The following REG3G variants were observed in gnomAD, a reference collection of about 807,000 sequenced individuals.
REG3G encodes the protein regenerating islet-derived protein 3-gamma.
REG3G carries 19 observed loss-of-function variants against 20.9 expected under a neutral mutation model. The observed-to-expected ratio is 0.91, with a 90% CI of 0.64 to 1.34. The LOEUF (loss-of-function observed/expected upper bound fraction) is 1.34. Ranked by LOEUF, REG3G falls within the 40% of genes most tolerant of loss-of-function variation. The pLI is 0.00. For synonymous variants in REG3G, 89 were observed against 77.4 expected (o/e 1.15, Z -0.79); for missense variants, 235 against 205.0 (o/e 1.15, Z -0.89).
intron 4 of REG3G, 57 bp from the exon 5 acceptor site, chr2:79,027,750 T>G (rs1199850255): frequency 3.1e-6 from 5 of 1,608,258 alleles, no homozygotes; most frequent in East Asian, 4.5e-5. Context: ...TCAGGGGCCA[T>G]GCAAAGAGAC....
At chr2:79,026,661 C>T (rs1048621990) in intron 2 of REG3G, 52 bp from the exon 3 acceptor site, 1 of 1,440,690 alleles carries the variant, frequency 6.9e-7, no homozygotes, top group Non-Finnish European at 9.6e-7. Context: ...AAGGTCATCT[C>T]CCACCCACCC....
At chr2:79,026,681 C>T in intron 2 of REG3G, 32 bp from the exon 3 acceptor site, 1 of 1,561,392 alleles carries the variant, frequency 6.4e-7, no homozygotes, top group Non-Finnish European at 8.8e-7. Flanking sequence ...CCCTACTCTT[C>T]ATTTTACTCT....
At position 79,027,069 on chromosome 2, in the gene REG3G, G is replaced by A; in HGVS notation, c.231G>A (p.Val77=). The change falls in exon 4 of 6, where the codon GTG becomes GTA. Residue 77 remains valine, a synonymous_variant. Coordinates refer to ENST00000272324, the MANE Select transcript of REG3G (RefSeq NM_001008387.3). ...ACQKRPSGKL[V]SVLSGAEGSF... is the part of the protein sequence containing the mutation. Reference sequence around the variant, plus strand: ...AGAAGCGGCCCTCTGGAAAACTGGTGTCTGTGCTCAGTGGGGCTGAGGGAT... The same window carrying A: ...AGAAGCGGCCCTCTGGAAAACTGGTATCTGTGCTCAGTGGGGCTGAGGGAT... 6.2e-7 allele frequency: 1 copy of A among 1,614,106 alleles called. No individual in the cohort carries two copies. Among genetic ancestry groups the A allele is most frequent in the Non-Finnish European group, 8.5e-7 (1 of 1,179,984 alleles).
Position 79,027,902 on chromosome 2 carries a change from T to A in REG3G, c.429T>A (p.Pro143=). The A allele has an allele frequency of 6.2e-7, 1 of 1,614,084 alleles. No homozygotes were observed. ...WEKNPSTILN[P]GHCGSLSRST... ...AAAATCCCTCCACCATCTTAAACCC[T>A]GGCCACTGTGGGAGCCTGTCAAGAA... Residue 143 remains proline, a synonymous_variant, in exon 5 of 6, where the codon CCT becomes CCA. Transcript: ENST00000272324.
chr2:79,026,759 C>T lies in REG3G; in HGVS notation c.123C>T (p.Pro41=), dbSNP rs762914879. The T allele has an allele frequency of 6.2e-7, 1 of 1,613,946 alleles. No homozygotes were observed. The highest frequency in any genetic ancestry group is 1.3e-5 in the African/African-American group (1 of 74,990). Residue 41 remains proline, a synonymous_variant, in exon 3 of 6, where the codon CCC becomes CCT. Coordinates refer to ENST00000272324, the MANE Select transcript of REG3G (RefSeq NM_001008387.3). ...KELPSPRISC[P]KGSKAYGSPC... Reference sequence around the variant, plus strand: ...TGCCCTCTCCACGGATCAGCTGTCCCAAAGGCTCCAAGGCCTATGGCTCCC... The same window carrying T: ...TGCCCTCTCCACGGATCAGCTGTCCTAAAGGCTCCAAGGCCTATGGCTCCC...
rs771173672 is a variant in REG3G at position 79,028,243 on chromosome 2, A to G, written c.495A>G (p.Ala165=). The G allele has an allele frequency of 2.5e-6, 4 of 1,613,244 alleles. No homozygotes were observed. In the East Asian group the frequency reaches 8.9e-5, roughly 36 times the overall value. Residue 165 remains alanine (A), a synonymous_variant, in exon 6 of 6, where the codon GCA becomes GCG. Transcript: ENST00000272324. ...FLKWKDYNCD[A]KLPYVCKFKD ...AGTGGAAAGATTATAACTGTGATGC[A>G]AAGTTACCCTATGTCTGCAAGTTCA... is the stretch of plus-strand genomic sequence containing the variant.
intron 1 of REG3G, 22 bp downstream of exon 1, chr2:79,025,795 A>C: frequency 3.0e-6 from 1 of 334,254 alleles, no homozygotes; most frequent in Non-Finnish European, 5.6e-6. Context: ...CTGAGAGAAG[A>C]TGAGACCTGT....
Position 79,026,718 on chromosome 2 carries a change from G to A in REG3G, c.82G>A (p.Glu28Lys), listed in dbSNP as rs1472984094. ...LILLCQVQGE[E>K]TQKELPSPRI... ...TCCCTTTTCTTCCACCCCAGGTGAA[G>A]AAACCCAGAAGGAACTGCCCTCTCC... The change falls in exon 3 of 6, where the codon GAA becomes AAA. Residue 28 changes from glutamate (E) to lysine (K), a missense_variant. By Grantham distance (56) the Glu-to-Lys change is moderately conservative. Coordinates refer to ENST00000272324, the MANE Select transcript of REG3G (RefSeq NM_001008387.3). 1.2e-6 allele frequency: 2 copies of A among 1,613,398 alleles called. No homozygotes were observed. The highest frequency in any genetic ancestry group is 3.3e-5 in the Admixed American group (2 of 59,952).
chr2:79,028,260 G>A lies in REG3G; in HGVS notation c.512G>A (p.Cys171Tyr), dbSNP rs1671676812. The A allele has an allele frequency of 1.2e-6, 2 of 1,612,494 alleles. No homozygotes were observed. Among genetic ancestry groups the A allele is most frequent in the Non-Finnish European group, 8.5e-7 (1 of 1,178,650 alleles). Reference sequence around the variant, plus strand: ...TGTGATGCAAAGTTACCCTATGTCTGCAAGTTCAAGGACTAGGGCAGGTGG... The same window carrying A: ...TGTGATGCAAAGTTACCCTATGTCTACAAGTTCAAGGACTAGGGCAGGTGG... ...YNCDAKLPYV[C>Y]KFKD Residue 171 changes from cysteine (C) to tyrosine (Y), a missense_variant, in exon 6 of 6, where the codon TGC becomes TAC. Transcript: ENST00000272324.
Position 79,027,928 on chromosome 2 carries a change from G to A in REG3G, c.455G>A (p.Ser152Asn), listed in dbSNP as rs1167358100. ...NPGHCGSLSR[S>N]TGFLKWKDYN... ...GGCCACTGTGGGAGCCTGTCAAGAA[G>A]CACAGGTAAGAAACAGAAGAGCTGC... The change falls in exon 5 of 6, where the codon AGC (serine) becomes AAC (asparagine). Residue 152 changes from serine (S) to asparagine (N), a missense_variant. Transcript: ENST00000272324. 1.2e-6 allele frequency: 2 copies of A among 1,613,874 alleles called. No individual in the cohort carries two copies. The highest frequency in any genetic ancestry group is 1.7e-6 in the Non-Finnish European group (2 of 1,179,956).
intron 4 of REG3G, 109 bp downstream of exon 4, chr2:79,027,280 C>A: frequency 8.3e-7 from 1 of 1,204,044 alleles, no homozygotes; most frequent in Non-Finnish European, 1.2e-6. Flanking sequence ...AGCACTGGAG[C>A]TCAGATTCTG....
intron 5 of REG3G, 64 bp downstream of exon 5, chr2:79,027,997 T>G: frequency 6.3e-7 from 1 of 1,594,026 alleles, no homozygotes; most frequent in Non-Finnish European, 8.6e-7. Context: ...TTTCCTGACC[T>G]TCAGGAAATC....
chr2:79,026,834 G>A lies in REG3G; in HGVS notation c.195+3G>A, dbSNP rs772588337. 3 of 1,607,836 alleles carry A rather than the reference G, an allele frequency of 1.9e-6. No individual in the cohort carries two copies. The highest frequency in any genetic ancestry group is 2.5e-6 in the Non-Finnish European group (3 of 1,177,960). ...CAAAATCCTGGATGGATGCAGATGT[G>A]AGTGGTTAGATGTGGGGTTGGAGGT... On this transcript the variant is annotated splice_donor_region_variant and intron_variant, in intron 3 of 5. Coordinates refer to ENST00000272324, the MANE Select transcript of REG3G (RefSeq NM_001008387.3).
chr2:79,027,995 C>A (rs774588169), intron 5 of REG3G, 62 bp downstream of exon 5: 3 of 1,597,154 alleles, frequency 1.9e-6, no homozygotes, highest in Non-Finnish European at 8.6e-7. Context: ...AATTTCCTGA[C>A]CTTCAGGAAA....
Position 79,026,730 on chromosome 2 carries a change from G to T in REG3G, c.94G>T (p.Glu32Ter), listed in dbSNP as rs200665349. 1 of 1,613,778 alleles carries T rather than the reference G, an allele frequency of 6.2e-7. No homozygotes were observed. Among genetic ancestry groups the T allele is most frequent in the Admixed American group, 1.7e-5 (1 of 59,980 alleles). The part of the protein sequence containing the change: ...CQVQGEETQK[E>*]LPSPRISCPK... ...CACCCCAGGTGAAGAAACCCAGAAG[G>T]AACTGCCCTCTCCACGGATCAGCTG... The change falls in exon 3 of 6, where the codon GAA (glutamate) becomes TAA (stop). Residue 32 changes from glutamate (E) to a stop codon, truncating the protein, a stop_gained. Coordinates refer to ENST00000272324, the MANE Select transcript of REG3G (RefSeq NM_001008387.3). LOFTEE classifies it high-confidence loss of function.
At position 79,026,126 on chromosome 2, in the gene REG3G, C is replaced by T; in HGVS notation, c.33C>T (p.Ser11=). The T allele has an allele frequency of 6.2e-7, 1 of 1,614,004 alleles. No homozygotes were observed. ...CTCCCATGGCCCTGCCCAGTGTGTC[C>T]TGGATGCTGCTTTCCTGCCTCATTC... MLPPMALPSV[S]WMLLSCLILL... Residue 11 remains serine (S), a synonymous_variant, in exon 2 of 6, where the codon TCC becomes TCT. Coordinates refer to ENST00000272324, the MANE Select transcript of REG3G (RefSeq NM_001008387.3).
At chr2:79,026,615 G>T (rs1270004033) in intron 2 of REG3G, 98 bp from the exon 3 acceptor site, 23 of 914,734 alleles carry the variant, frequency 2.5e-5, no homozygotes, top group Non-Finnish European at 3.6e-5. Context: ...TCAGGAATGT[G>T]GTCTTCCTCC....
rs1467035602 is a variant in REG3G, at chr2:79,028,297, C to T, written c.*21C>T. 6.4e-7 allele frequency: 1 copy of T among 1,569,194 alleles called. No individual in the cohort carries two copies. Among genetic ancestry groups the T allele is most frequent in the Non-Finnish European group, 8.8e-7 (1 of 1,139,096 alleles). On this transcript the variant is annotated 3_prime_UTR_variant, in exon 6 of 6. Transcript: ENST00000272324. ...ACTAGGGCAGGTGGGAAGTCAGCAG[C>T]CTGAGCTTGGCGTGCAGCTCATCAT... is the stretch of plus-strand genomic sequence containing the variant.
In REG3G at chr2:79,027,767, T is replaced by G. The variant is rs768710384; in HGVS notation, c.334-40T>G. The G allele has an allele frequency of 5.0e-6, 8 of 1,612,872 alleles. No homozygotes were observed. In the Admixed American group the frequency reaches 6.7e-5, roughly 13 times the overall value. On this transcript the variant is annotated intron_variant, in intron 4 of 5. Transcript: ENST00000272324. Reference sequence around the variant, plus strand: ...AGGGGCCATGCAAAGAGACCTGCAATGGCCATTTTCTTCACCTGGCTGCCT... The same window carrying G: ...AGGGGCCATGCAAAGAGACCTGCAAGGGCCATTTTCTTCACCTGGCTGCCT...
Sources: allele counts gnomAD v4.1 joint callset, GRCh38; gene constraint gnomAD v4.1.1; transcripts MANE v1.5; gene names NCBI Gene and HGNC (gene_info 2026-07-23, HGNC 2026-07-21).